The following PLEKHM1 variants were observed in gnomAD, a reference collection of about 807,000 sequenced individuals.
PLEKHM1 encodes the protein pleckstrin homology and RUN domain containing M1.
Under a neutral mutation model 94.3 loss-of-function variants are expected in PLEKHM1, and 28 were observed. That is an observed-to-expected ratio of 0.30 (90% CI 0.22 to 0.41). The LOEUF is 0.41. Ranked by LOEUF, PLEKHM1 falls within the 10% of genes least tolerant of loss-of-function variation. PLEKHM1 has a pLI of 1.00. For synonymous variants in PLEKHM1, 424 were observed against 581.2 expected (o/e 0.73, Z 3.89); for missense variants, 907 against 1,358.6 (o/e 0.67, Z 5.22).
intron 5 of PLEKHM1, among the ~76,000 whole-genome samples, chr17:45,462,446 C>A (rs1178679227): frequency 1.3e-5 from 2 of 151,970 alleles, no homozygotes; most frequent in Non-Finnish European, 2.9e-5. Flanking sequence ...GTTGTGTGAT[C>A]TCCAGCGCCT....
intron 5 of PLEKHM1, among the ~76,000 whole-genome samples, chr17:45,465,856 C>T (rs987183747): frequency 2.0e-5 from 3 of 151,970 alleles, no homozygotes; most frequent in African/African-American, 4.8e-5. Context: ...AGATAAGATG[C>T]CTGAGCCTGC....
rs1239044525 is a variant in PLEKHM1 at position 45,436,161 on chromosome 17, C to T, written c.*1697G>A. On this transcript the variant is annotated 3_prime_UTR_variant, in exon 12 of 12. Coordinates refer to ENST00000430334, the MANE Select transcript of PLEKHM1 (RefSeq NM_014798.3). ...TCAAACCTGCTGCCTCCGAGGGCACCTTCGGGGAGAATCCTCACAGGCCCA... is the reference window on the plus strand; with the variant it reads ...TCAAACCTGCTGCCTCCGAGGGCACTTTCGGGGAGAATCCTCACAGGCCCA... 2.2e-6 allele frequency: 1 copy of T among 455,518 alleles called. No homozygotes were observed. Among genetic ancestry groups the T allele is most frequent in the Non-Finnish European group, 4.4e-6 (1 of 226,936 alleles). The allele number at this position is 455,518 out of a possible 1,614,324, so 28.2% of individuals were successfully genotyped here. A position where few individuals can be genotyped will look rare whatever the true frequency, so the allele number is the denominator to read the frequency against.
intron 1 of PLEKHM1, among the ~76,000 whole-genome samples, chr17:45,490,372 A>G (rs1598021242): frequency 6.6e-6 from 1 of 151,766 alleles, no homozygotes; most frequent in East Asian, 2.0e-4. Context: ...TGGGGTCACG[A>G]GTGAAGCTGC....
At chr17:45,467,422 G>A (rs1170418651) in intron 5 of PLEKHM1, among the ~76,000 whole-genome samples, 1 of 152,192 alleles carries the variant, frequency 6.6e-6, no homozygotes, top group Non-Finnish European at 1.5e-5. Flanking sequence ...TGGACAGCAC[G>A]GCTCTAAAAC....
In PLEKHM1 at chr17:45,437,801, C is replaced by T. The variant is rs757882883; in HGVS notation, c.*57G>A. ...ATCCTGGGCTGATGGCAAACCCAGC[C>T]GGGATGGCTGAGCCACACTCACCCC... On this transcript the variant is annotated 3_prime_UTR_variant, in exon 12 of 12. Coordinates refer to ENST00000430334, the MANE Select transcript of PLEKHM1 (RefSeq NM_014798.3). This position sits in a 1 kb window ranked among gnomAD's most constrained non-coding sequence, Gnocchi z 4.0. 1.2e-5 allele frequency: 17 copies of T among 1,375,470 alleles called. No homozygotes were observed. The highest frequency in any genetic ancestry group is 9.9e-5 in the African/African-American group (7 of 70,402). 85.2% of individuals were successfully genotyped at this position (1,375,470 alleles called of 1,614,324 possible). A position where few individuals can be genotyped will look rare whatever the true frequency, so the allele number is the denominator to read the frequency against.
At position 45,439,574 on chromosome 17, in the gene PLEKHM1, C is replaced by T; in HGVS notation, c.2962G>A (p.Val988Ile). ...KALIEFASQH[V>I]YHCDLCTQRG... is the part of the protein sequence containing the mutation. ...TGGGTGCACAGGTCGCAGTGGTAGACATGCTGGGAGGCAAATTCAATCAGG... is the reference window on the plus strand; with the variant it reads ...TGGGTGCACAGGTCGCAGTGGTAGATATGCTGGGAGGCAAATTCAATCAGG... Residue 988 changes from valine (V) to isoleucine (I), a missense_variant, in exon 11 of 12, where the codon GTC becomes ATC. By Grantham distance (29) the Val-to-Ile change is conservative (BLOSUM62 3). Coordinates refer to ENST00000430334, the MANE Select transcript of PLEKHM1 (RefSeq NM_014798.3). 6.2e-7 allele frequency: 1 copy of T among 1,614,228 alleles called. No individual in the cohort carries two copies. The highest frequency in any genetic ancestry group is 8.5e-7 in the Non-Finnish European group (1 of 1,180,038).
chr17:45,457,798 G>A (rs1350593748), intron 6 of PLEKHM1, among the ~76,000 whole-genome samples: 1 of 152,170 alleles, frequency 6.6e-6, no homozygotes, highest in Non-Finnish European at 1.5e-5. Context: ...ACCAACTACT[G>A]AGGGTAAACA....
At chr17:45,486,192 AG>A (rs1407602551) in intron 1 of PLEKHM1, among the ~76,000 whole-genome samples, 14 of 145,582 alleles carry the variant, frequency 9.6e-5, no homozygotes, top group African/African-American at 3.5e-4. Context: ...ACTCCAGCCT[AG>A]GCGACAGAGA....
At chr17:45,434,430 T>C (rs2050209010), downstream of PLEKHM1, 1 of 152,190 alleles carries the variant, frequency 6.6e-6, no homozygotes, top group South Asian at 2.1e-4. Context: ...GCTTACCACA[T>C]GCCCAGCGCA....
At chr17:45,489,537 C>G (rs1006829542) in intron 1 of PLEKHM1, among the ~76,000 whole-genome samples, 89 of 152,280 alleles carry the variant, frequency 5.8e-4, no homozygotes, top group African/African-American at 2.0e-3. Context: ...TTCCAGCAGC[C>G]AGCACAAGTC....
intron 1 of PLEKHM1, among the ~76,000 whole-genome samples, chr17:45,482,829 T>C (rs71244258): frequency 0.033 from 5,050 of 151,160 alleles, 271 homozygotes; most frequent in African/African-American, 0.11. Context: ...CCTGTAGGAT[T>C]GAAACCTGTA....
downstream of PLEKHM1, chr17:45,434,362 A>T (rs1354689271): frequency 6.6e-6 from 1 of 152,154 alleles, no homozygotes; most frequent in Non-Finnish European, 1.5e-5. Context: ...TGTCAATGGG[A>T]TAGTAACACC....
At position 45,437,435 on chromosome 17, in the gene PLEKHM1, T is replaced by C; in HGVS notation, c.*423A>G. Reference sequence around the variant, plus strand: ...TCACGTAGGGTCAAGAATAAAAAAATACTTTCTGTTGAAATATGAATGGGA... The same window carrying C: ...TCACGTAGGGTCAAGAATAAAAAAACACTTTCTGTTGAAATATGAATGGGA... On this transcript the variant is annotated 3_prime_UTR_variant, in exon 12 of 12. Transcript: ENST00000430334. This position sits in a 1 kb window ranked among gnomAD's most constrained non-coding sequence, Gnocchi z 4.0. The C allele has an allele frequency of 2.2e-6, 1 of 459,776 alleles. No individual in the cohort carries two copies. The allele number at this position is 459,776 out of a possible 1,614,324, so 28.5% of individuals were successfully genotyped here.
Position 45,453,984 on chromosome 17 carries a change from G to A in PLEKHM1, c.1868C>T (p.Ala623Val). 1.2e-6 allele frequency: 2 copies of A among 1,613,982 alleles called. No homozygotes were observed. The highest frequency in any genetic ancestry group is 2.2e-5 in the East Asian group (1 of 44,888). Residue 623 changes from alanine to valine, a missense_variant, in exon 7 of 12, where the codon GCC becomes GTC. Physicochemically the swap from Ala to Val is moderately conservative, Grantham distance 64 (BLOSUM62 0). Coordinates refer to ENST00000430334, the MANE Select transcript of PLEKHM1 (RefSeq NM_014798.3). This position sits in a 1 kb window ranked among gnomAD's most constrained non-coding sequence, Gnocchi z 4.1. Reference sequence around the variant, plus strand: ...CTGCTGAGGCCGGACCTTCTGCAGGGCCTCCCGCACCCGGTCCAGCCAGTC... The same window carrying A: ...CTGCTGAGGCCGGACCTTCTGCAGGACCTCCCGCACCCGGTCCAGCCAGTC... ...AEDWLDRVRE[A>V]LQKVRPQQED...
chr17:45,447,485 C>T (rs1046095018), intron 8 of PLEKHM1, among the ~76,000 whole-genome samples: 5 of 152,274 alleles, frequency 3.3e-5, no homozygotes, highest in African/African-American at 1.2e-4. Flanking sequence ...CTGCCAAACA[C>T]TGCAGATGGG....
intron 6 of PLEKHM1, among the ~76,000 whole-genome samples, chr17:45,455,314 G>A (rs948004994): frequency 7.2e-5 from 11 of 151,964 alleles, no homozygotes; most frequent in Middle Eastern, 3.4e-3. Flanking sequence ...TCTCTGGCTC[G>A]GTCCTCCCTG....
chr17:45,459,729 A>G (rs940311757), intron 5 of PLEKHM1: 3 of 132,932 alleles, frequency 2.3e-5, no homozygotes, highest in Admixed American at 1.6e-4. Flanking sequence ...ACCATTTTAT[A>G]TTCCCACCAG....
intron 1 of PLEKHM1, 77 bp from the exon 2 acceptor site, chr17:45,482,602 G>A (rs1455890761): frequency 1.2e-6 from 1 of 811,514 alleles, no homozygotes; most frequent in East Asian, 2.6e-5. Context: ...GCAAGCAGCA[G>A]GAGGTCAGCC....
At chr17:45,466,630 C>G (rs1018619800) in intron 5 of PLEKHM1, among the ~76,000 whole-genome samples, 4 of 151,918 alleles carry the variant, frequency 2.6e-5, no homozygotes, top group Admixed American at 2.6e-4. Context: ...GATTGACTGG[C>G]CAATAAGCAA....
Sources: gnomAD v4.1 joint callset for allele counts (sites outside exome capture counted in the v4.1 genomes callset) on GRCh38, gnomAD v4.1.1 for gene constraint, Gnocchi (gnomAD v3.1) non-coding constraint, MANE v1.5 for transcripts, NCBI Gene and HGNC (gene_info 2026-07-23, HGNC 2026-07-21) for gene names.